SLC25A13: variants seen among roughly 807,000 people sequenced by gnomAD.
The protein encoded by SLC25A13 is solute carrier family 25 member 13.
SLC25A13 carries 70 observed loss-of-function variants against 85.5 expected under a neutral mutation model. That is an observed-to-expected ratio of 0.82 (90% CI 0.68 to 1.00). SLC25A13 has a LOEUF of 1.00. SLC25A13 is among the 50% of genes least tolerant of loss of function. The pLI is 0.00. For missense variants in SLC25A13, 765 were observed against 819.8 expected (o/e 0.93, Z 0.82); for synonymous variants, 259 against 288.7 (o/e 0.90, Z 1.04).
chr7:96,232,229 T>C (rs1448463020), intron 4 of SLC25A13, among the ~76,000 whole-genome samples: 1 of 151,952 alleles, frequency 6.6e-6, no homozygotes, highest in Non-Finnish European at 1.5e-5. Context: ...GTGGTACATA[T>C]ACACCATGGA....
chr7:96,279,457 G>A (rs1798583130), intron 2 of SLC25A13, among the ~76,000 whole-genome samples: 1 of 152,172 alleles, frequency 6.6e-6, no homozygotes, highest in Non-Finnish European at 1.5e-5. Context: ...CATGGTGGAA[G>A]GCGAATGAGG....
intron 3 of SLC25A13, among the ~76,000 whole-genome samples, chr7:96,265,744 T>A (rs949244793): frequency 1.3e-5 from 2 of 152,186 alleles, no homozygotes; most frequent in Non-Finnish European, 2.9e-5. Context: ...CTTATTCTGT[T>A]CAGGTTATTA....
chr7:96,316,890 A>G (rs761786195), intron 1 of SLC25A13, among the ~76,000 whole-genome samples: 6 of 152,166 alleles, frequency 3.9e-5, no homozygotes, highest in Non-Finnish European at 7.4e-5. Context: ...TGGTGGACAG[A>G]GTGAGGCCAC....
chr7:96,143,831 C>T (rs918857169), intron 14 of SLC25A13, among the ~76,000 whole-genome samples: 2 of 152,140 alleles, frequency 1.3e-5, no homozygotes, highest in Non-Finnish European at 2.9e-5. Context: ...ACAGAGCCAA[C>T]CACTCACCCT....
At chr7:96,199,703 A>C (rs1365667329) in intron 5 of SLC25A13, among the ~76,000 whole-genome samples, 1 of 152,192 alleles carries the variant, frequency 6.6e-6, no homozygotes, top group Non-Finnish European at 1.5e-5. Context: ...CATGATGATT[A>C]ATGCAACAGG....
At chr7:96,281,018 C>T (rs1157048965) in intron 2 of SLC25A13, among the ~76,000 whole-genome samples, 1 of 152,122 alleles carries the variant, frequency 6.6e-6, no homozygotes, top group Non-Finnish European at 1.5e-5. Context: ...CTAAAAATAA[C>T]ACAAATGTCA....
chr7:96,240,685 A>C (rs1336620477), intron 3 of SLC25A13, among the ~76,000 whole-genome samples: 1 of 150,972 alleles, frequency 6.6e-6, no homozygotes, highest in Non-Finnish European at 1.5e-5. Context: ...TCAAGACTGC[A>C]GTGAGCTATG....
chr7:96,186,778 GT>G (rs1479809838), intron 9 of SLC25A13, among the ~76,000 whole-genome samples: 1 of 152,144 alleles, frequency 6.6e-6, no homozygotes, highest in Non-Finnish European at 1.5e-5. Context: ...CTATTTAAAT[GT>G]TTGACCTATT....
At chr7:96,149,128 T>C (rs1792918537) in intron 13 of SLC25A13, among the ~76,000 whole-genome samples, 1 of 152,238 alleles carries the variant, frequency 6.6e-6, no homozygotes, top group Non-Finnish European at 1.5e-5. Context: ...GCAGTGAGGC[T>C]GAGAATCCCT....
At chr7:96,246,241 G>C (rs1453851443) in intron 3 of SLC25A13, among the ~76,000 whole-genome samples, 1 of 152,170 alleles carries the variant, frequency 6.6e-6, no homozygotes, top group Non-Finnish European at 1.5e-5. Flanking sequence ...GGTACCGAAG[G>C]CACAGCCCAA....
At chr7:96,161,945 C>T (rs527514891) in intron 13 of SLC25A13, among the ~76,000 whole-genome samples, 34 of 152,238 alleles carry the variant, frequency 2.2e-4, no homozygotes, top group Admixed American at 2.2e-3. Context: ...AAAAAATTAA[C>T]ATTATTGCTA....
intron 2 of SLC25A13, among the ~76,000 whole-genome samples, chr7:96,284,439 A>G (rs938917742): frequency 2.0e-5 from 3 of 152,230 alleles, no homozygotes; most frequent in Admixed American, 1.3e-4. Flanking sequence ...TTTTGCTGAC[A>G]AAACAATTAT....
At chr7:96,229,703 G>A (rs996172897) in intron 4 of SLC25A13, among the ~76,000 whole-genome samples, 8 of 151,492 alleles carry the variant, frequency 5.3e-5, no homozygotes, top group African/African-American at 1.7e-4. Flanking sequence ...CTCCAGAAGC[G>A]CCACCTAAAG....
intron 4 of SLC25A13, among the ~76,000 whole-genome samples, chr7:96,227,104 C>T (rs890599662): frequency 6.6e-6 from 1 of 152,172 alleles, no homozygotes; most frequent in Non-Finnish European, 1.5e-5. Context: ...ATTCAGCTCA[C>T]GTTTCTACTA....
At chr7:96,281,407 A>G (rs1798673152) in intron 2 of SLC25A13, among the ~76,000 whole-genome samples, 1 of 151,998 alleles carries the variant, frequency 6.6e-6, no homozygotes, top group Non-Finnish European at 1.5e-5. Flanking sequence ...AAAAAAAAAA[A>G]AAGAATAAAC....
chr7:96,141,422 G>A (rs1792557317), intron 14 of SLC25A13, among the ~76,000 whole-genome samples: 1 of 152,186 alleles, frequency 6.6e-6, no homozygotes, highest in Non-Finnish European at 1.5e-5. Flanking sequence ...AACAGTGCCT[G>A]GCACACAGTA....
chr7:96,211,931 G>C (rs1032722101), intron 4 of SLC25A13, among the ~76,000 whole-genome samples: 26 of 152,114 alleles, frequency 1.7e-4, no homozygotes, highest in Admixed American at 1.3e-4. Flanking sequence ...CTGATGCAAG[G>C]GTCCAGGACC....
chr7:96,178,627 T>C (rs1041720488), intron 11 of SLC25A13, among the ~76,000 whole-genome samples: 3 of 152,178 alleles, frequency 2.0e-5, no homozygotes, highest in Non-Finnish European at 4.4e-5. Flanking sequence ...CACTTGTCCC[T>C]ATCTTCCCCG....
At chr7:96,280,574 G>A (rs1798636461) in intron 2 of SLC25A13, among the ~76,000 whole-genome samples, 1 of 152,032 alleles carries the variant, frequency 6.6e-6, no homozygotes, top group South Asian at 2.1e-4. Context: ...AATTAACCAG[G>A]TAGGGTAACG....
Sources: gnomAD v4.1 joint callset for allele counts (sites outside exome capture counted in the v4.1 genomes callset) on GRCh38, gnomAD v4.1.1 for gene constraint, MANE v1.5 for transcripts, NCBI Gene and HGNC (gene_info 2026-07-23, HGNC 2026-07-21) for gene names.